Variants in ABLIM1 observed in about 807,000 individuals in gnomAD.
ABLIM1 encodes the protein actin-binding LIM protein 1.
A neutral mutation model predicts 107.0 loss-of-function variants in ABLIM1; 40 were observed. The observed-to-expected ratio is 0.37, with a 90% confidence interval of 0.29 to 0.49. ABLIM1 has a LOEUF of 0.49. Among genes scored for constraint, ABLIM1 ranks in the 20% least tolerant of loss-of-function variants. The pLI is 0.97. For missense variants in ABLIM1, 857 were observed against 1,008.5 expected (o/e 0.85, Z 2.04); for synonymous variants, 357 against 357.3 (o/e 1.00, Z 0.01).
At chr10:114,475,479 T>C (rs534894182) in intron 8 of ABLIM1, among the ~76,000 whole-genome samples, 2 of 152,318 alleles carry the variant, frequency 1.3e-5, no homozygotes, top group African/African-American at 4.8e-5. Context: ...CTCTCTGCCC[T>C]CATAGAGTTT....
At chr10:114,442,325 G>A (rs1031408172) in intron 17 of ABLIM1, among the ~76,000 whole-genome samples, 2 of 152,282 alleles carry the variant, frequency 1.3e-5, no homozygotes, top group African/African-American at 4.8e-5. Context: ...CTCCTGGGAG[G>A]CCTGATACAG....
At chr10:114,526,630 A>G (rs1220708920) in intron 6 of ABLIM1, 10 of 985,428 alleles carry the variant, frequency 1.0e-5, no homozygotes, top group African/African-American at 3.5e-5. Flanking sequence ...AGCAAAGGAC[A>G]TAGGTCACCT....
intron 6 of ABLIM1, among the ~76,000 whole-genome samples, chr10:114,513,606 A>G (rs907299205): frequency 6.6e-6 from 1 of 152,130 alleles, no homozygotes; most frequent in African/African-American, 2.4e-5. Flanking sequence ...TCAAAGCCCA[A>G]CTTGGTCTGT....
At chr10:114,492,349 T>C (rs1471324136) in intron 6 of ABLIM1, among the ~76,000 whole-genome samples, 2 of 152,174 alleles carry the variant, frequency 1.3e-5, no homozygotes, top group Non-Finnish European at 2.9e-5. Flanking sequence ...AGAAAAGCTA[T>C]AGTAAAATAC....
chr10:114,770,188 T>G (rs535168720), upstream of ABLIM1, among the ~76,000 whole-genome samples: 21 of 152,338 alleles, frequency 1.4e-4, no homozygotes, highest in East Asian at 9.6e-4. Flanking sequence ...AGATACAGAC[T>G]GAACATTTCA....
chr10:114,681,882 T>C (rs1469261484), intron 1 of ABLIM1, among the ~76,000 whole-genome samples: 1 of 152,214 alleles, frequency 6.6e-6, no homozygotes, highest in Non-Finnish European at 1.5e-5. Flanking sequence ...ATGCTCTGAT[T>C]GACCCACTGG....
chr10:114,531,738 G>A (rs186949927), intron 6 of ABLIM1, among the ~76,000 whole-genome samples: 11 of 152,022 alleles, frequency 7.2e-5, no homozygotes, highest in East Asian at 3.9e-4. Context: ...GGATGGTCTC[G>A]ATCTCCTGAC....
intron 6 of ABLIM1, among the ~76,000 whole-genome samples, chr10:114,540,748 T>A (rs2066555711): frequency 6.6e-6 from 1 of 152,242 alleles, no homozygotes; most frequent in South Asian, 2.1e-4. Flanking sequence ...AGAGAGGCCT[T>A]AGGGTCCTCT....
chr10:114,762,176 G>A (rs1366292340), intron 1 of ABLIM1, among the ~76,000 whole-genome samples: 1 of 152,074 alleles, frequency 6.6e-6, no homozygotes, highest in African/African-American at 2.4e-5. Context: ...GAGACTACAG[G>A]CGCCCGCCAC....
intron 18 of ABLIM1, among the ~76,000 whole-genome samples, 189 bp from the exon 19 acceptor site, chr10:114,441,266 C>T (rs1029860428): frequency 6.6e-6 from 1 of 152,014 alleles, no homozygotes; most frequent in Non-Finnish European, 1.5e-5. Context: ...GTACTAATGC[C>T]ACCACTCAGC....
chr10:114,639,525 T>C (rs1016897220), intron 1 of ABLIM1, among the ~76,000 whole-genome samples: 2 of 152,152 alleles, frequency 1.3e-5, no homozygotes, highest in African/African-American at 4.8e-5. Flanking sequence ...ACATGCTGAG[T>C]GACCCTGGGC....
chr10:114,763,867 T>C (rs943141522), intron 1 of ABLIM1, among the ~76,000 whole-genome samples: 14 of 152,180 alleles, frequency 9.2e-5, no homozygotes, highest in African/African-American at 3.4e-4. Flanking sequence ...TATTCTGATT[T>C]AGTAGCTCTG....
In ABLIM1 at chr10:114,731,412, G is replaced by C. The variant is rs142771574; in HGVS notation, c.-213+36649C>G. Among the ~76,000 whole-genome samples, 466 of 151,604 alleles carry C rather than the reference G, an allele frequency of 3.1e-3. 6 individuals are homozygous for C. Among genetic ancestry groups the C allele is most frequent in the African/African-American group, 0.011 (451 of 41,262 alleles). On this transcript the variant is annotated intron_variant, in intron 1 of 15. Coordinates refer to the ABLIM1 transcript ENST00000651092. ...GTGCCTCGGCCTCCCAAAGTGCCAG[G>C]ACTATGGGCATGAGCCACCATGCCT...
At chr10:114,738,211 A>G (rs808334) in intron 1 of ABLIM1, among the ~76,000 whole-genome samples, 17,145 of 152,030 alleles carry the variant, frequency 0.11, 990 homozygotes, top group Middle Eastern at 0.15. Flanking sequence ...ACCGTGTCTG[A>G]CTAATTTTTT....
At chr10:114,601,774 G>A (rs2076028863) in intron 2 of ABLIM1, 53 bp downstream of exon 2, 2 of 1,613,946 alleles carry the variant, frequency 1.2e-6, no homozygotes, top group Non-Finnish European at 1.7e-6. Context: ...CTGGACCCAA[G>A]GCAAGCCCCG....
chr10:114,458,326 A>C (rs1454533483), intron 12 of ABLIM1, among the ~76,000 whole-genome samples: 1 of 151,974 alleles, frequency 6.6e-6, no homozygotes, highest in African/African-American at 2.4e-5. Context: ...AATTTTTTAG[A>C]CCTCAGGGGA....
intron 4 of ABLIM1, among the ~76,000 whole-genome samples, chr10:114,548,803 C>T (rs1450085144): frequency 6.6e-6 from 1 of 152,168 alleles, no homozygotes; most frequent in Non-Finnish European, 1.5e-5. Context: ...CCACGTGTTC[C>T]AAGCTGATCA....
chr10:114,481,261 G>A (rs2057323578), intron 8 of ABLIM1, among the ~76,000 whole-genome samples: 1 of 151,864 alleles, frequency 6.6e-6, no homozygotes, highest in East Asian at 1.9e-4. Flanking sequence ...GACAGTGCTG[G>A]GAAGCACTTT....
chr10:114,786,912 G>A, the ABLIM1 span, among the ~76,000 whole-genome samples: 1 of 151,962 alleles, frequency 6.6e-6, no homozygotes, highest in Non-Finnish European at 1.5e-5. Context: ...CTGCCCGGCG[G>A]CCACCCCGTC....
Sources: gnomAD v4.1 joint callset for allele counts (sites outside exome capture counted in the v4.1 genomes callset) on GRCh38, gnomAD v4.1.1 for gene constraint, MANE v1.5 for transcripts, NCBI Gene and HGNC (gene_info 2026-07-23, HGNC 2026-07-21) for gene names.